The following CFAP54 variants were observed in gnomAD, a reference collection of about 807,000 sequenced individuals.
CFAP54 encodes the protein cilia and flagella associated protein 54.
Under a neutral mutation model 370.4 loss-of-function variants are expected in CFAP54, and 290 were observed. The observed-to-expected ratio is 0.78, with a 90% CI of 0.71 to 0.86. CFAP54 has a LOEUF of 0.86. CFAP54 is among the 40% of genes least tolerant of loss of function. The pLI is 0.00. For missense variants in CFAP54, 3,399 were observed against 3,528.7 expected (o/e 0.96, Z 0.93); for synonymous variants, 1,206 against 1,236.5 (o/e 0.98, Z 0.52).
At chr12:96,501,739 CT>C (rs1955029470) in intron 2 of CFAP54, among the ~76,000 whole-genome samples, 1 of 152,176 alleles carries the variant, frequency 6.6e-6, no homozygotes, top group Non-Finnish European at 1.5e-5. Context: ...GTTTTCTGGA[CT>C]TTAATCCTCT....
At chr12:96,664,759 ATATATCTATATC>A (rs1295272845) in intron 39 of CFAP54, among the ~76,000 whole-genome samples, 1 of 26,132 alleles carries the variant, frequency 3.8e-5, no homozygotes, top group Non-Finnish European at 6.5e-5. Flanking sequence ...ATATATCTAT[ATATATCTATATC>A]TATATCTATA....
chr12:96,747,716 C>A (rs1184131994), intron 55 of CFAP54, among the ~76,000 whole-genome samples: 1 of 152,120 alleles, frequency 6.6e-6, no homozygotes, highest in Non-Finnish European at 1.5e-5. Flanking sequence ...GTTGTCTGAT[C>A]TTAGAAGTTA....
At chr12:96,621,056 A>C (rs1255493221) in intron 26 of CFAP54, among the ~76,000 whole-genome samples, 1 of 152,230 alleles carries the variant, frequency 6.6e-6, no homozygotes, top group African/African-American at 2.4e-5. Flanking sequence ...TTACGACTAC[A>C]GTGCACACTT....
In CFAP54 at chr12:96,669,639, G is replaced by A. The variant is rs145782243; in HGVS notation, c.5563+5707G>A. On this transcript the variant is annotated intron_variant, in intron 39 of 67. Transcript: ENST00000524981. ...GGTTTCTGGCTTGGGTAGCCAGATG[G>A]ATGATGATGCCTTCACCCAGACAGG... Among the ~76,000 whole-genome samples, 622 of 152,340 alleles carry A rather than the reference G, an allele frequency of 4.1e-3. 8 individuals carry two copies. The highest frequency in any genetic ancestry group is 0.012 in the African/African-American group (486 of 41,580).
chr12:96,796,776 T>C (rs758525406), intron 63 of CFAP54, among the ~76,000 whole-genome samples: 2 of 152,194 alleles, frequency 1.3e-5, no homozygotes, highest in Non-Finnish European at 2.9e-5. Context: ...GTGTTTGTAA[T>C]GATGTACGCT....
chr12:96,734,494 T>A (rs1467274994), intron 50 of CFAP54, among the ~76,000 whole-genome samples: 1 of 152,212 alleles, frequency 6.6e-6, no homozygotes, highest in Non-Finnish European at 1.5e-5. Context: ...ATAAGATCTT[T>A]ATTTTTATGA....
intron 42 of CFAP54, among the ~76,000 whole-genome samples, chr12:96,685,539 T>C (rs1843487498): frequency 8.0e-6 from 1 of 124,522 alleles, no homozygotes. Flanking sequence ...AACTACTTGT[T>C]TTTTTTGTTG....
chr12:96,590,583 CTT>C (rs1268419572), intron 23 of CFAP54, among the ~76,000 whole-genome samples: 1 of 152,162 alleles, frequency 6.6e-6, no homozygotes, highest in Admixed American at 6.5e-5. Context: ...CAAATGCAGA[CTT>C]AGCATTTTCT....
chr12:96,593,318 G>T (rs1956145186), intron 24 of CFAP54, among the ~76,000 whole-genome samples: 1 of 150,926 alleles, frequency 6.6e-6, no homozygotes, highest in African/African-American at 2.4e-5. Context: ...TCCTTCTTTA[G>T]GTATGGATGT....
At chr12:96,600,718 G>T (rs538583484) in intron 26 of CFAP54, among the ~76,000 whole-genome samples, 4 of 152,204 alleles carry the variant, frequency 2.6e-5, no homozygotes, top group Admixed American at 2.6e-4. Context: ...TCTCTTTGTA[G>T]CATTTGTGAA....
Position 96,513,053 on chromosome 12 carries a change from T to C in CFAP54, c.798+9T>C. The C allele has an allele frequency of 2.0e-6, 3 of 1,468,160 alleles. No homozygotes were observed. The highest frequency in any genetic ancestry group is 2.7e-6 in the Non-Finnish European group (3 of 1,106,552). 90.9% of individuals were successfully genotyped at this position (1,468,160 alleles called of 1,614,324 possible). A position where few individuals can be genotyped will look rare whatever the true frequency, so the allele number is the denominator to read the frequency against. On this transcript the variant is annotated intron_variant, in intron 5 of 67. Coordinates refer to ENST00000524981, the MANE Select transcript of CFAP54 (RefSeq NM_001306084.2). ...TAGGTCAGTCTTCCAAGGTATGAAA[T>C]GTACTGACAAAATATTTTCCCCTCT... is the stretch of plus-strand genomic sequence containing the variant.
chr12:96,762,494 C>T (rs1474652920), intron 58 of CFAP54, among the ~76,000 whole-genome samples: 1 of 152,194 alleles, frequency 6.6e-6, no homozygotes, highest in Non-Finnish European at 1.5e-5. Flanking sequence ...AAAACGCCCA[C>T]CATATTCTTT....
intron 39 of CFAP54, among the ~76,000 whole-genome samples, chr12:96,678,284 G>A (rs575799711): frequency 8.0e-4 from 121 of 151,850 alleles, no homozygotes; most frequent in African/African-American, 2.6e-3. Context: ...TTTCTGAGAC[G>A]GAGTCACCCA....
At chr12:96,743,373 T>A in intron 52 of CFAP54, 29 bp from the exon 53 acceptor site, 1 of 1,606,996 alleles carries the variant, frequency 6.2e-7, no homozygotes, top group Non-Finnish European at 8.5e-7. Context: ...TCTCAATGCA[T>A]TTTAAATAAC....
chr12:96,497,129 T>C (rs1044460812), intron 1 of CFAP54, among the ~76,000 whole-genome samples: 4 of 152,204 alleles, frequency 2.6e-5, no homozygotes, highest in African/African-American at 4.8e-5. Flanking sequence ...ATGAATAATA[T>C]TGTTGAGGTC....
intron 50 of CFAP54, among the ~76,000 whole-genome samples, chr12:96,732,264 T>C (rs1957929901): frequency 6.6e-6 from 1 of 152,166 alleles, no homozygotes; most frequent in Non-Finnish European, 1.5e-5. Context: ...TAGCTGGGAC[T>C]ACAGGTGCAC....
chr12:96,576,609 A>T lies in CFAP54; in HGVS notation c.2644A>T (p.Ile882Phe), dbSNP rs1436393484. 1 of 1,533,500 alleles carries T rather than the reference A, an allele frequency of 6.5e-7. No homozygotes were observed. The highest frequency in any genetic ancestry group is 2.4e-5 in the East Asian group (1 of 40,878). 95.0% of individuals were successfully genotyped at this position (1,533,500 alleles called of 1,614,324 possible). The change falls in exon 20 of 68, where the codon ATT becomes TTT. Residue 882 changes from isoleucine (I) to phenylalanine (F), a missense_variant. Coordinates refer to ENST00000524981, the MANE Select transcript of CFAP54 (RefSeq NM_001306084.2). ...LMEAYSLIQR[I>F]EAEQNALYSY... ...GGAAGCATATTCCTTAATTCAGAGGATTGAAGCTGAACAAAATGCCCTATA... is the reference window on the plus strand; with the variant it reads ...GGAAGCATATTCCTTAATTCAGAGGTTTGAAGCTGAACAAAATGCCCTATA...
intron 33 of CFAP54, 66 bp from the exon 34 acceptor site, chr12:96,647,809 G>A (rs1699995987): frequency 7.5e-7 from 1 of 1,332,400 alleles, no homozygotes; most frequent in Non-Finnish European, 1.0e-6. Context: ...AAAATAGATT[G>A]CATTTGACAG....
At chr12:96,590,014 C>T (rs773247020) in intron 23 of CFAP54, among the ~76,000 whole-genome samples, 11 of 152,110 alleles carry the variant, frequency 7.2e-5, no homozygotes, top group Non-Finnish European at 1.3e-4. Flanking sequence ...TCCAAAGTGC[C>T]GAGATTACAG....
Sources: allele counts gnomAD v4.1 joint callset (sites outside exome capture counted in the v4.1 genomes callset), GRCh38; gene constraint gnomAD v4.1.1; transcripts MANE v1.5; gene names NCBI Gene and HGNC (gene_info 2026-07-23, HGNC 2026-07-21).